The following CSMD1 variants were observed in gnomAD, a reference collection of about 807,000 sequenced individuals.
CSMD1 encodes the protein CUB and Sushi multiple domains 1.
In CSMD1, 213 loss-of-function variants were observed where a neutral mutation model predicts 417.5. That is an observed-to-expected ratio of 0.51 (90% CI 0.46 to 0.57). The LOEUF is 0.57. Ranked by LOEUF, CSMD1 falls within the 20% of genes least tolerant of loss-of-function variation. The pLI, the probability that CSMD1 is intolerant of heterozygous loss-of-function variation, is 0.00. For synonymous variants in CSMD1, 2,862 were observed against 1,736.8 expected, an observed-to-expected ratio of 1.65 and a Z score of -16.11; for missense variants, 6,923 against 4,529.7, an observed-to-expected ratio of 1.53 and a Z score of -15.17.
At chr8:4,012,332 T>A (rs1563317146) in intron 4 of CSMD1, among the ~76,000 whole-genome samples, 1 of 152,186 alleles carries the variant, frequency 6.6e-6, no homozygotes. Flanking sequence ...GTGTCCAAGA[T>A]TCATTCTCTT....
Position 3,189,967 on chromosome 8 carries a change from G to C in CSMD1, c.5343C>G (p.Cys1781Trp). The change falls in exon 34 of 70, where the codon TGC becomes TGG. Residue 1781 changes from cysteine (C) to tryptophan (W), a missense_variant. Physicochemically the swap from Cys to Trp is radical, Grantham distance 215. Transcript: ENST00000635120. The stretch of plus-strand genomic sequence containing the variant: ...GTGCCAAGGCGTTGGGCACGGACTG[G>C]CAGTGGAGCGCCGTGGAACCCTGAA... ...YLLQGSTALH[C>W]QSVPNALAQW... 6.3e-7 allele frequency: 1 copy of C among 1,598,710 alleles called. No individual in the cohort carries two copies. The highest frequency in any genetic ancestry group is 8.5e-7 in the Non-Finnish European group (1 of 1,173,038).
chr8:4,424,095 G>C lies in CSMD1; in HGVS notation c.303-4030C>G, dbSNP rs988115239. ...AAAATGTAAAGCAATTAGACTCTTA[G>C]GAAAAAAATAGGGGAAAGGCTTTTG... On this transcript the variant is annotated intron_variant, in intron 2 of 69. Coordinates refer to ENST00000635120, the MANE Select transcript of CSMD1 (RefSeq NM_033225.6). Among the ~76,000 whole-genome samples, 5 of 151,826 alleles carry C rather than the reference G, an allele frequency of 3.3e-5. No homozygotes were observed. The South Asian group carries it at 1.0e-3, about 31-fold the overall frequency.
chr8:4,282,931 A>G (rs558559967), intron 3 of CSMD1, among the ~76,000 whole-genome samples: 1 of 152,168 alleles, frequency 6.6e-6, no homozygotes, highest in Non-Finnish European at 1.5e-5. Context: ...AAACATTTTA[A>G]TGTCAAATCT....
At chr8:3,911,138 C>A (rs1808435322) in intron 5 of CSMD1, among the ~76,000 whole-genome samples, 1 of 152,142 alleles carries the variant, frequency 6.6e-6, no homozygotes, top group Admixed American at 6.5e-5. Context: ...TCACAGGACT[C>A]AAAGAGCTCT....
intron 55 of CSMD1, among the ~76,000 whole-genome samples, chr8:2,975,605 A>G (rs1037989564): frequency 7.2e-5 from 11 of 152,216 alleles, no homozygotes; most frequent in Admixed American, 2.6e-4. Context: ...TTTTATCCAC[A>G]TAGAGTCCTT....
chr8:4,007,555 G>C (rs574738759), intron 4 of CSMD1, among the ~76,000 whole-genome samples: 5 of 152,164 alleles, frequency 3.3e-5, no homozygotes, highest in East Asian at 3.9e-4. Flanking sequence ...TCTCCATCCT[G>C]TATGCTTACC....
chr8:4,593,091 T>A (rs1800071147), intron 2 of CSMD1, among the ~76,000 whole-genome samples: 1 of 152,160 alleles, frequency 6.6e-6, no homozygotes, highest in Non-Finnish European at 1.5e-5. Flanking sequence ...GCATAATGCA[T>A]CCGGGCCATT....
At chr8:3,995,434 C>G (rs939962016) in intron 5 of CSMD1, among the ~76,000 whole-genome samples, 2 of 152,184 alleles carry the variant, frequency 1.3e-5, no homozygotes, top group East Asian at 3.9e-4. Context: ...ATCTTTACCC[C>G]GACAGTTACC....
chr8:3,514,152 C>T (rs1797191544), intron 10 of CSMD1, among the ~76,000 whole-genome samples: 1 of 152,156 alleles, frequency 6.6e-6, no homozygotes, highest in African/African-American at 2.4e-5. Context: ...CTTCTGTCTC[C>T]CAGGAAGCTG....
At chr8:3,879,188 A>G (rs1806039902) in intron 5 of CSMD1, among the ~76,000 whole-genome samples, 1 of 152,112 alleles carries the variant, frequency 6.6e-6, no homozygotes, top group South Asian at 2.1e-4. Flanking sequence ...ATTACAGCAC[A>G]CTTCTCTTTG....
intron 1 of CSMD1, among the ~76,000 whole-genome samples, chr8:4,837,430 A>G (rs1800561425): frequency 6.6e-6 from 1 of 152,226 alleles, no homozygotes; most frequent in Non-Finnish European, 1.5e-5. Flanking sequence ...ATGAGATTCT[A>G]TCATTTGCAA....
chr8:3,756,342 G>C (rs1193764070), intron 5 of CSMD1, among the ~76,000 whole-genome samples: 2 of 113,476 alleles, frequency 1.8e-5, no homozygotes, highest in African/African-American at 7.4e-5. Flanking sequence ...AACACACTGA[G>C]ACTCCATCTC....
intron 5 of CSMD1, among the ~76,000 whole-genome samples, chr8:3,981,983 A>G (rs1813906058): frequency 6.6e-6 from 1 of 151,926 alleles, no homozygotes; most frequent in Non-Finnish European, 1.5e-5. Flanking sequence ...CATCCTGGCT[A>G]ACACGGTGAA....
chr8:4,905,154 G>A (rs1157576016), intron 1 of CSMD1, among the ~76,000 whole-genome samples: 1 of 151,994 alleles, frequency 6.6e-6, no homozygotes, highest in African/African-American at 2.4e-5. Context: ...GAAATCCTGG[G>A]AGTACTATTC....
chr8:4,205,138 G>A (rs1034878257), intron 3 of CSMD1, among the ~76,000 whole-genome samples: 3 of 152,064 alleles, frequency 2.0e-5, no homozygotes, highest in East Asian at 1.9e-4. Context: ...TCTCAACTCT[G>A]TTGAATGAAA....
chr8:3,238,792 A>T (rs1799312211), intron 26 of CSMD1, among the ~76,000 whole-genome samples: 1 of 152,182 alleles, frequency 6.6e-6, no homozygotes, highest in Admixed American at 6.5e-5. Context: ...CTTGCCAGCA[A>T]AGATTATTTA....
intron 7 of CSMD1, among the ~76,000 whole-genome samples, chr8:3,704,583 C>T (rs1801060205): frequency 6.6e-6 from 1 of 152,180 alleles, no homozygotes; most frequent in Non-Finnish European, 1.5e-5. Context: ...GCTGTCAAAG[C>T]AGCAACCCAT....
intron 32 of CSMD1, among the ~76,000 whole-genome samples, chr8:3,200,871 CG>C (rs1260282343): frequency 2.0e-5 from 3 of 152,076 alleles, no homozygotes; most frequent in African/African-American, 7.2e-5. Flanking sequence ...TGACGCATAT[CG>C]TTTACTAGGC....
At chr8:3,634,355 A>G (rs963370004) in intron 7 of CSMD1, among the ~76,000 whole-genome samples, 1 of 151,932 alleles carries the variant, frequency 6.6e-6, no homozygotes, top group African/African-American at 2.4e-5. Flanking sequence ...TCTGTGACAA[A>G]CTCCAGTTAA....
Sources: gnomAD v4.1 joint callset for allele counts (sites outside exome capture counted in the v4.1 genomes callset) on GRCh38, gnomAD v4.1.1 for gene constraint, MANE v1.5 for transcripts, NCBI Gene and HGNC (gene_info 2026-07-23, HGNC 2026-07-21) for gene names.